The following ANLN variants were observed in gnomAD, a reference collection of about 807,000 sequenced individuals.
The protein encoded by ANLN is anillin.
Under a neutral mutation model 135.1 loss-of-function variants are expected in ANLN, and 59 were observed. The ratio of observed to expected loss-of-function variants is 0.44; its 90% CI spans 0.35 to 0.54. The LOEUF (loss-of-function observed/expected upper bound fraction) is 0.54, where lower values mean the gene tolerates loss of function less well. Among genes scored for constraint, ANLN ranks in the 20% least tolerant of loss-of-function variants. The pLI, the probability that ANLN is intolerant of heterozygous loss-of-function variation, is 0.00. For missense variants in ANLN, 1,182 were observed against 1,340.0 expected, an observed-to-expected ratio of 0.88 and a Z score of 1.84; for synonymous variants, 406 against 456.4, an observed-to-expected ratio of 0.89 and a Z score of 1.41.
chr7:36,418,670 A>C (rs977151429), intron 9 of ANLN, among the ~76,000 whole-genome samples: 2 of 152,066 alleles, frequency 1.3e-5, no homozygotes, highest in Non-Finnish European at 2.9e-5. Flanking sequence ...TCTACATTTG[A>C]GTTCTTAATG....
At chr7:36,422,917 TCTTTGG>T in intron 14 of ANLN, 108 bp downstream of exon 14, 1 of 1,078,970 alleles carries the variant, frequency 9.3e-7, no homozygotes, top group Non-Finnish European at 1.3e-6. Flanking sequence ...AAAGTTTGTA[TCTTTGG>T]CCTTTAGGTC....
intron 22 of ANLN, among the ~76,000 whole-genome samples, chr7:36,447,599 T>G (rs1361056008): frequency 6.6e-6 from 1 of 151,864 alleles, no homozygotes; most frequent in Admixed American, 6.6e-5. Flanking sequence ...TAATTTTTTG[T>G]ATTTTTTTAG....
intron 22 of ANLN, among the ~76,000 whole-genome samples, chr7:36,445,161 C>CTTTTTTTTTTTTTTTTTTTTTTTTTT (rs70977145): frequency 1.7e-5 from 1 of 57,822 alleles, no homozygotes; most frequent in African/African-American, 6.8e-5. Flanking sequence ...ATTTGGGATT[C>CTTTTTTTTTTTTTTTTTTTTTTTTTT]TTTTTTTTTT....
intron 20 of ANLN, 31 bp downstream of exon 20, chr7:36,427,059 G>T: frequency 2.3e-6 from 3 of 1,329,288 alleles, no homozygotes; most frequent in Non-Finnish European, 3.1e-6. Flanking sequence ...AGGGTGTGGT[G>T]TTTTTTTTTT....
At chr7:36,408,722 C>T (rs1358371994) in intron 5 of ANLN, among the ~76,000 whole-genome samples, 1 of 152,116 alleles carries the variant, frequency 6.6e-6, no homozygotes, top group Non-Finnish European at 1.5e-5. Flanking sequence ...CTCTCTTCAT[C>T]CCCCAGTTAT....
chr7:36,402,288 T>C (rs1446862346), intron 3 of ANLN, among the ~76,000 whole-genome samples: 1 of 126,488 alleles, frequency 7.9e-6, no homozygotes, highest in Admixed American at 7.5e-5. Flanking sequence ...ATTTTTTGTA[T>C]TTTTAGTAGA....
intron 21 of ANLN, among the ~76,000 whole-genome samples, chr7:36,442,023 A>G (rs1206401029): frequency 2.0e-5 from 3 of 152,212 alleles, no homozygotes; most frequent in African/African-American, 4.8e-5. Context: ...TGAGGTGTCA[A>G]TCTAGCTTGG....
At chr7:36,400,930 G>A (rs1786920535) in intron 3 of ANLN, among the ~76,000 whole-genome samples, 1 of 152,038 alleles carries the variant, frequency 6.6e-6, no homozygotes. Context: ...TGAAGAATGG[G>A]GCTTGGATGG....
chr7:36,417,007 C>A (rs1420880603), intron 8 of ANLN, 73 bp from the exon 9 acceptor site: 180 of 738,434 alleles, frequency 2.4e-4, no homozygotes, highest in East Asian at 5.6e-4. Context: ...AAAAAAAACA[C>A]ACACAAGATT....
At chr7:36,435,394 G>T (rs1231723414) in intron 20 of ANLN, among the ~76,000 whole-genome samples, 3 of 150,766 alleles carry the variant, frequency 2.0e-5, no homozygotes, top group African/African-American at 2.4e-5. Flanking sequence ...GTGGGGGGGG[G>T]GTCTCAGTAT....
intron 8 of ANLN, 115 bp downstream of exon 8, chr7:36,415,999 G>A (rs1033306992): frequency 2.2e-6 from 2 of 894,498 alleles, no homozygotes; most frequent in Non-Finnish European, 3.3e-6. Context: ...TTTTTGGGGG[G>A]AATCTTTAGG....
rs1329518757 is a variant in ANLN at position 36,449,696 on chromosome 7, G to T, written c.3110G>T (p.Cys1037Phe). The T allele has an allele frequency of 6.2e-7, 1 of 1,613,112 alleles. No individual in the cohort carries two copies. Among genetic ancestry groups the T allele is most frequent in the African/African-American group, 1.3e-5 (1 of 74,806 alleles). ...NPIGRINLAN[C>F]TSRQIEPANR... ...ATAGGAAGGATAAATCTGGCTAATT[G>T]TACCAGTCGTCAGATAGAACCAGCC... The change falls in exon 23 of 24, where the codon TGT (cysteine) becomes TTT (phenylalanine). Residue 1037 changes from cysteine to phenylalanine, a missense_variant. Transcript: ENST00000265748.
At chr7:36,442,095 G>A (rs1284906515) in intron 21 of ANLN, among the ~76,000 whole-genome samples, 2 of 152,168 alleles carry the variant, frequency 1.3e-5, no homozygotes, top group African/African-American at 2.4e-5. Context: ...CACCTTTTGG[G>A]AAATTTACAT....
At chr7:36,412,429 A>G (rs1787463661) in intron 7 of ANLN, among the ~76,000 whole-genome samples, 1 of 150,800 alleles carries the variant, frequency 6.6e-6, no homozygotes, top group Non-Finnish European at 1.5e-5. Context: ...CCCGGCTTCA[A>G]GCGATTCTCC....
In ANLN at chr7:36,419,300, G is replaced by A; in HGVS notation, c.1690G>A (p.Val564Ile). ...VDDDDINSSK[V>I]INDLFSDVLE... ...TGATGATGATATCAATAGTTCGAAA[G>A]TAATTAATGACCTCTTCAGTGATGT... is the stretch of plus-strand genomic sequence containing the variant. Residue 564 changes from valine to isoleucine, a missense_variant, in exon 10 of 24, where the codon GTA (valine) becomes ATA (isoleucine). Physicochemically the swap from Val to Ile is conservative, Grantham distance 29. This residue lies in a region of ANLN where 1,022 missense variants were observed against 1,134.0 expected (regional missense o/e 0.90). Coordinates refer to ENST00000265748, the MANE Select transcript of ANLN (RefSeq NM_018685.5). 6.2e-7 allele frequency: 1 copy of A among 1,614,136 alleles called. No homozygotes were observed. Among genetic ancestry groups the A allele is most frequent in the Non-Finnish European group, 8.5e-7 (1 of 1,180,014 alleles).
chr7:36,433,616 A>G (rs1360709232), intron 20 of ANLN, among the ~76,000 whole-genome samples: 1 of 152,078 alleles, frequency 6.6e-6, no homozygotes, highest in Non-Finnish European at 1.5e-5. Context: ...TCTTAAAGTT[A>G]TTTCTTCTGC....
At position 36,406,273 on chromosome 7, in the gene ANLN, A is replaced by G. The variant is rs2116573554; in HGVS notation, c.580A>G (p.Thr194Ala). ...ACCTCTGCTTTCAAATGCCTCGGCA[A>G]CTCCAGTTGGCAGAAGGGGCCGTCT... ...PRPLLSNASA[T>A]PVGRRGRLAN... Residue 194 changes from threonine (T) to alanine (A), a missense_variant, in exon 4 of 24, where the codon ACT becomes GCT. By Grantham distance (58) the Thr-to-Ala change is moderately conservative. Coordinates refer to ENST00000265748, the MANE Select transcript of ANLN (RefSeq NM_018685.5). 1.2e-6 allele frequency: 2 copies of G among 1,614,144 alleles called. No individual in the cohort carries two copies. The highest frequency in any genetic ancestry group is 2.7e-5 in the African/African-American group (2 of 75,048).
In ANLN at chr7:36,410,620, T is replaced by A. The variant is rs887889688; in HGVS notation, c.1203T>A (p.Thr401=). Residue 401 remains threonine, a synonymous_variant, in exon 6 of 24, where the codon ACT becomes ACA. Coordinates refer to ENST00000265748, the MANE Select transcript of ANLN (RefSeq NM_018685.5). ...CACCCCACAGAACCCCCATTATTAC[T>A]CCAAATACAAAGGCCATCCAAGAAA... ...RSTPHRTPII[T]PNTKAIQERL... 9 of 1,613,960 alleles carry A rather than the reference T, an allele frequency of 5.6e-6. No individual in the cohort carries two copies. The highest frequency in any genetic ancestry group is 6.8e-6 in the Non-Finnish European group (8 of 1,180,012).
chr7:36,424,547 A>G lies in ANLN; in HGVS notation c.2606A>G (p.Gln869Arg). Residue 869 changes from glutamine to arginine, a missense_variant and splice_region_variant, in exon 16 of 24, where the codon CAA (glutamine) becomes CGA (arginine). Coordinates refer to ENST00000265748, the MANE Select transcript of ANLN (RefSeq NM_018685.5). ...ALTFTTTFTL[Q>R]DVSNDFEINI... ...TACTTAATGCTTTATTTTTCCAGGC[A>G]AGATGTATCCAATGACTTTGAAATA... 6.3e-7 allele frequency: 1 copy of G among 1,596,434 alleles called. No homozygotes were observed. The highest frequency in any genetic ancestry group is 2.2e-5 in the East Asian group (1 of 44,462).
Sources: gnomAD v4.1 joint callset for allele counts (sites outside exome capture counted in the v4.1 genomes callset) on GRCh38, gnomAD v4.1.1 for gene constraint, gnomAD v4.1.1 regional missense constraint, MANE v1.5 for transcripts, NCBI Gene and HGNC (gene_info 2026-07-23, HGNC 2026-07-21) for gene names.